The following ABCD2 variants were observed in gnomAD, a reference collection of about 807,000 sequenced individuals.
ABCD2 encodes ATP binding cassette subfamily D member 2.
ABCD2 carries 36 observed loss-of-function variants against 70.9 expected under a neutral mutation model. The ratio of observed to expected loss-of-function variants is 0.51; its 90% CI spans 0.39 to 0.67. ABCD2 has a LOEUF of 0.67. ABCD2 is among the 30% of genes least tolerant of loss of function. The pLI, the probability that ABCD2 is intolerant of heterozygous loss-of-function variation, is 0.00. For missense variants in ABCD2, 729 were observed against 890.2 expected, an observed-to-expected ratio of 0.82 and a Z score of 2.30; for synonymous variants, 304 against 306.9, an observed-to-expected ratio of 0.99 and a Z score of 0.10.
chr12:39,598,034 C>T (rs929916379), intron 6 of ABCD2, among the ~76,000 whole-genome samples: 3 of 152,032 alleles, frequency 2.0e-5, no homozygotes, highest in Non-Finnish European at 4.4e-5. Context: ...CAGCATTCTT[C>T]GTGAAGATTT....
At chr12:39,584,951 T>C (rs1020131919) in intron 7 of ABCD2, among the ~76,000 whole-genome samples, 1 of 152,332 alleles carries the variant, frequency 6.6e-6, no homozygotes, top group Middle Eastern at 3.4e-3. Context: ...TGGGGCAGCA[T>C]GATGCCTCCA....
chr12:39,569,557 T>C (rs1432619763), intron 9 of ABCD2, among the ~76,000 whole-genome samples: 1 of 152,196 alleles, frequency 6.6e-6, no homozygotes, highest in African/African-American at 2.4e-5. Context: ...GGGAATTCCC[T>C]GACCCCTTGT....
intron 7 of ABCD2, 43 bp downstream of exon 7, chr12:39,586,109 A>T (rs118008706): frequency 0.018 from 27,440 of 1,548,286 alleles, 304 homozygotes; most frequent in South Asian, 0.03. Context: ...CTTACTTTTT[A>T]AAAGTGAAGT....
At chr12:39,538,097 C>G in the ABCD2 span, among the ~76,000 whole-genome samples, 2 of 151,750 alleles carry the variant, frequency 1.3e-5, no homozygotes, top group Admixed American at 6.6e-5. Flanking sequence ...CCCCAAAATT[C>G]TGTAATGGGG....
rs138800053 is a variant in ABCD2, at chr12:39,555,168, C to A, written c.2004-1037G>T. Among the ~76,000 whole-genome samples the A allele has an allele frequency of 5.1e-3, 770 of 152,254 alleles. 2 individuals are homozygous for A. The highest frequency in any genetic ancestry group is 7.9e-3 in the Non-Finnish European group (535 of 68,020). Reference sequence around the variant, plus strand: ...ACATTCTCTTCAACCCCAAAAGAAACCCAATACCCATCAGCAGTCTTTCTC... The same window carrying A: ...ACATTCTCTTCAACCCCAAAAGAAAACCAATACCCATCAGCAGTCTTTCTC... On this transcript the variant is annotated intron_variant, in intron 9 of 9. Transcript: ENST00000308666.
chr12:39,534,701 C>CGGCA, the ABCD2 span, among the ~76,000 whole-genome samples: 7 of 111,210 alleles, frequency 6.3e-5, 1 homozygote, highest in African/African-American at 2.6e-4. Context: ...GAAGGAAGGA[C>CGGCA]GGAAGGAAGG....
chr12:39,579,606 A>C lies in ABCD2; in HGVS notation c.1806T>G (p.Val602=). The C allele has an allele frequency of 6.2e-7, 1 of 1,609,722 alleles. No homozygotes were observed. Among genetic ancestry groups the C allele is most frequent in the Non-Finnish European group, 8.5e-7 (1 of 1,177,346 alleles). ...IVQREGGWDA[V]MDWKDVLSGG... is the part of the protein sequence containing the mutation. The stretch of plus-strand genomic sequence containing the variant: ...CTGACAGGACATCTTTCCAGTCCAT[A>C]ACAGCATCCCATCCTTAAGAAAATA... Residue 602 remains valine (V), a synonymous_variant, in exon 8 of 10, where the codon GTT becomes GTG. Coordinates refer to ENST00000308666, the MANE Select transcript of ABCD2 (RefSeq NM_005164.4).
Position 39,573,828 on chromosome 12 carries a change from A to C in ABCD2, c.1891T>G (p.Leu631Val). 1 of 1,610,824 alleles carries C rather than the reference A, an allele frequency of 6.2e-7. No individual in the cohort carries two copies. Among genetic ancestry groups the C allele is most frequent in the East Asian group, 2.2e-5 (1 of 44,802 alleles). ...ACAGCACTGGTACATTCATCCAGCA[A>C]GGCATATTTTGGTCTTTTAAAAAGT... The part of the protein sequence containing the change: ...RMFYHKPKYA[L>V]LDECTSAVSI... The change falls in exon 9 of 10, where the codon TTG (leucine) becomes GTG (valine). Residue 631 changes from leucine to valine, a missense_variant. Physicochemically the swap from Leu to Val is conservative, Grantham distance 32 (BLOSUM62 1). Transcript: ENST00000308666.
At chr12:39,579,475 A>G in intron 8 of ABCD2, 60 bp downstream of exon 8, 2 of 1,210,268 alleles carry the variant, frequency 1.7e-6, no homozygotes, top group East Asian at 2.3e-5. Flanking sequence ...TGTTGTTCCT[A>G]TTGTTGCTTG....
At chr12:39,595,209 T>C (rs1195905582) in intron 6 of ABCD2, among the ~76,000 whole-genome samples, 1 of 152,200 alleles carries the variant, frequency 6.6e-6, no homozygotes, top group Non-Finnish European at 1.5e-5. Flanking sequence ...TGAGAAAATA[T>C]TTAAGATCAA....
At chr12:39,598,563 G>T (rs1421069127) in intron 6 of ABCD2, among the ~76,000 whole-genome samples, 1 of 151,952 alleles carries the variant, frequency 6.6e-6, no homozygotes, top group East Asian at 1.9e-4. Flanking sequence ...ACCACACCCG[G>T]CTAATTTTGT....
At chr12:39,612,143 G>T (rs1440125300) in intron 2 of ABCD2, among the ~76,000 whole-genome samples, 2 of 152,126 alleles carry the variant, frequency 1.3e-5, no homozygotes, top group Non-Finnish European at 2.9e-5. Context: ...TAAATTGAAA[G>T]AACTTTTTTT....
At chr12:39,593,663 G>T (rs1941776137) in intron 6 of ABCD2, among the ~76,000 whole-genome samples, 1 of 152,166 alleles carries the variant, frequency 6.6e-6, no homozygotes, top group East Asian at 1.9e-4. Flanking sequence ...CCTTTCTGCA[G>T]AACTTCTGAA....
At position 39,575,681 on chromosome 12, in the gene ABCD2, G is replaced by A. The variant is rs545059129; in HGVS notation, c.1878-1840C>T. Among the ~76,000 whole-genome samples, 5 of 152,262 alleles carry A rather than the reference G, an allele frequency of 3.3e-5. No homozygotes were observed. In the East Asian group the frequency reaches 9.6e-4, roughly 29 times the overall value. On this transcript the variant is annotated intron_variant, in intron 8 of 9. Transcript: ENST00000308666. ...ACAATTCAAACTTTAAATCATTTGAGAATGAGGGAAGGCAGTTTCCTATTG... is the reference window on the plus strand; with the variant it reads ...ACAATTCAAACTTTAAATCATTTGAAAATGAGGGAAGGCAGTTTCCTATTG...
chr12:39,609,739 G>T (rs1165614197), intron 2 of ABCD2, among the ~76,000 whole-genome samples: 1 of 152,154 alleles, frequency 6.6e-6, no homozygotes, highest in African/African-American at 2.4e-5. Context: ...TATACTTTAT[G>T]CCTTGCTGTA....
At chr12:39,531,802 C>A in the ABCD2 span, among the ~76,000 whole-genome samples, 2 of 152,172 alleles carry the variant, frequency 1.3e-5, no homozygotes, top group Non-Finnish European at 2.9e-5. Flanking sequence ...ATTTTAAATG[C>A]AAGTAGTAAC....
At chr12:39,607,011 A>G (rs1246268884) in intron 3 of ABCD2, among the ~76,000 whole-genome samples, 1 of 152,224 alleles carries the variant, frequency 6.6e-6, no homozygotes, top group Admixed American at 6.5e-5. Context: ...ACATACACTG[A>G]GATGGACACA....
chr12:39,589,162 G>A lies in ABCD2; in HGVS notation c.1647-2865C>T, dbSNP rs1591985766. The stretch of plus-strand genomic sequence containing the variant: ...CTGGAGAGAGAAAGAAAGAGAAGGA[G>A]AGGTTTTCAAATACAAAATGTGTTT... On this transcript the variant is annotated intron_variant, in intron 6 of 9. Coordinates refer to ENST00000308666, the MANE Select transcript of ABCD2 (RefSeq NM_005164.4). Among the ~76,000 whole-genome samples the A allele has an allele frequency of 2.0e-5, 3 of 152,146 alleles. No homozygotes were observed. The South Asian group carries it at 6.2e-4, about 32-fold the overall frequency.
chr12:39,544,864 T>C, the ABCD2 span, among the ~76,000 whole-genome samples: 1 of 152,198 alleles, frequency 6.6e-6, no homozygotes, highest in East Asian at 1.9e-4. Flanking sequence ...AGTACTCTTA[T>C]CTACAGTTTT....
Sources: allele counts gnomAD v4.1 joint callset (sites outside exome capture counted in the v4.1 genomes callset), GRCh38; gene constraint gnomAD v4.1.1; transcripts MANE v1.5; gene names NCBI Gene and HGNC (gene_info 2026-07-23, HGNC 2026-07-21).